TG: variants seen among roughly 807,000 people sequenced by gnomAD.
The protein encoded by TG is thyroid hormones.
A neutral mutation model predicts 324.7 loss-of-function variants in TG; 270 were observed. That is an observed-to-expected ratio of 0.83 (90% CI 0.75 to 0.92). TG has a LOEUF of 0.92. Ranked by LOEUF, TG falls within the 40% of genes least tolerant of loss-of-function variation. TG has a pLI of 0.00. For missense variants in TG, 3,591 were observed against 3,456.4 expected, an observed-to-expected ratio of 1.04 and a Z score of -0.98; for synonymous variants, 1,401 against 1,327.0, an observed-to-expected ratio of 1.06 and a Z score of -1.21.
At chr8:133,047,998 C>A in intron 41 of TG, 1 of 913,534 alleles carries the variant, frequency 1.1e-6, no homozygotes, top group South Asian at 1.4e-5. Flanking sequence ...GGCAGGAATG[C>A]GCCACCCACC....
Position 132,900,298 on chromosome 8 carries a change from CAGG to C in TG, c.3395_3397del (p.Gly1132del). 1 of 1,614,048 alleles carries C rather than the reference CAGG, an allele frequency of 6.2e-7. No individual in the cohort carries two copies. The highest frequency in any genetic ancestry group is 8.5e-7 in the Non-Finnish European group (1 of 1,179,994). ...GGCACCTGGTGTGTGGACCCTGCAT[CAGG>C]AGAAGAGTTGCGGCCTGGCTCGAGC... On this transcript the variant is annotated inframe_deletion, in exon 15 of 48. Coordinates refer to ENST00000220616, the MANE Select transcript of TG (RefSeq NM_003235.5).
chr8:132,977,643 C>G (rs1399076565), intron 34 of TG, among the ~76,000 whole-genome samples: 5 of 152,268 alleles, frequency 3.3e-5, no homozygotes, highest in African/African-American at 1.2e-4. Flanking sequence ...AGAAATTGTG[C>G]AGGGAAACTC....
At chr8:132,876,434 T>C (rs1233057749) in intron 5 of TG, among the ~76,000 whole-genome samples, 1 of 152,178 alleles carries the variant, frequency 6.6e-6, no homozygotes, top group Non-Finnish European at 1.5e-5. Flanking sequence ...TAAGGGGATT[T>C]TTTTTGAAAA....
intron 41 of TG, among the ~76,000 whole-genome samples, chr8:133,062,476 G>C (rs532399182): frequency 2.6e-5 from 4 of 152,254 alleles, no homozygotes; most frequent in Admixed American, 6.5e-5. Context: ...GCATCTCCCC[G>C]GTGCCGGGCC....
intron 41 of TG, among the ~76,000 whole-genome samples, chr8:133,086,733 G>A (rs1335867245): frequency 1.3e-5 from 2 of 152,110 alleles, no homozygotes; most frequent in African/African-American, 4.8e-5. Context: ...TACTGTTACA[G>A]GAAAACTTTC....
intron 22 of TG, among the ~76,000 whole-genome samples, chr8:132,928,035 T>C (rs564661900): frequency 3.6e-4 from 55 of 152,322 alleles, no homozygotes; most frequent in African/African-American, 1.3e-3. Flanking sequence ...GCTTAGAGCA[T>C]GCTGGGATCA....
intron 21 of TG, among the ~76,000 whole-genome samples, chr8:132,920,622 C>T (rs905427335): frequency 1.3e-5 from 2 of 152,136 alleles, no homozygotes; most frequent in Non-Finnish European, 2.9e-5. Context: ...TATCAAAATA[C>T]CAGAGAAGCA....
intron 41 of TG, among the ~76,000 whole-genome samples, chr8:133,061,587 G>C (rs563508560): frequency 1.2e-3 from 178 of 152,322 alleles, no homozygotes; most frequent in Non-Finnish European, 2.0e-3. Flanking sequence ...AGAGAGGAAG[G>C]CCACATTCAT....
chr8:133,061,606 C>T (rs1303690471), intron 41 of TG, among the ~76,000 whole-genome samples: 3 of 152,204 alleles, frequency 2.0e-5, no homozygotes, highest in Non-Finnish European at 4.4e-5. Flanking sequence ...ATAAATAGAG[C>T]TCTGCCTGCT....
chr8:132,967,156 CCCATCCAACCAT>C (rs1250844276), intron 30 of TG, among the ~76,000 whole-genome samples: 4 of 142,596 alleles, frequency 2.8e-5, no homozygotes, highest in Non-Finnish European at 6.1e-5. Context: ...CATCCATCCA[CCCATCCAACCAT>C]CCATCCATCC....
chr8:132,956,447 C>CG (rs769049161), intron 27 of TG, among the ~76,000 whole-genome samples: 1 of 152,158 alleles, frequency 6.6e-6, no homozygotes, highest in African/African-American at 2.4e-5. Flanking sequence ...ACTCAGAGGA[C>CG]GGGGGTGTGT....
At chr8:132,894,438 TATA>T (rs1421048171) in intron 11 of TG, among the ~76,000 whole-genome samples, 1 of 151,776 alleles carries the variant, frequency 6.6e-6, no homozygotes, top group East Asian at 1.9e-4. Context: ...TCCTCTGGTC[TATA>T]ATAACAGCTG....
intron 34 of TG, among the ~76,000 whole-genome samples, chr8:132,973,184 G>T (rs772739091): frequency 6.6e-6 from 1 of 152,210 alleles, no homozygotes; most frequent in Non-Finnish European, 1.5e-5. Flanking sequence ...AGGATAGGGG[G>T]TGTTCCTCAA....
rs1452886315 is a variant in TG, at chr8:132,941,536, C to G, written c.5227C>G (p.Gln1743Glu). 1.9e-6 allele frequency: 3 copies of G among 1,614,098 alleles called. No individual in the cohort carries two copies. Among genetic ancestry groups the G allele is most frequent in the Non-Finnish European group, 8.5e-7 (1 of 1,180,030 alleles). The stretch of plus-strand genomic sequence containing the variant: ...CGATGGCTTCGTCCTCACACAGGTT[C>G]AAGGAGGTAATGTTGGCAGTGAGGG... ...CCDGFVLTQVQGGAIICGLLS... is the reference protein window; with the variant it reads ...CCDGFVLTQVEGGAIICGLLS... Residue 1743 changes from glutamine (Q) to glutamate (E), a missense_variant, in exon 26 of 48, where the codon CAA (glutamine) becomes GAA (glutamate). Transcript: ENST00000220616.
chr8:133,130,870 G>A (rs1245294240), intron 45 of TG, among the ~76,000 whole-genome samples: 1 of 148,754 alleles, frequency 6.7e-6, no homozygotes, highest in Non-Finnish European at 1.5e-5. Flanking sequence ...CCCACTGTGA[G>A]GAGAAGGACT....
At chr8:132,936,342 T>C (rs1237328842) in intron 25 of TG, among the ~76,000 whole-genome samples, 2 of 152,200 alleles carry the variant, frequency 1.3e-5, no homozygotes, top group Admixed American at 1.3e-4. Flanking sequence ...ATAGAGCTTC[T>C]CCTTCTCCTC....
chr8:133,106,705 C>T (rs1474330698), intron 43 of TG, among the ~76,000 whole-genome samples: 7 of 152,218 alleles, frequency 4.6e-5, no homozygotes, highest in Admixed American at 4.6e-4. Context: ...ACCCCCGTCC[C>T]CTTTCCGGCT....
At chr8:133,112,450 G>A (rs894823981) in intron 43 of TG, among the ~76,000 whole-genome samples, 1 of 152,112 alleles carries the variant, frequency 6.6e-6, no homozygotes, top group African/African-American at 2.4e-5. Context: ...GGTCCTGGGG[G>A]AAGGCAGTGA....
intron 29 of TG, among the ~76,000 whole-genome samples, 191 bp from the exon 30 acceptor site, chr8:132,966,369 A>C (rs1417795505): frequency 1.3e-5 from 2 of 151,872 alleles, no homozygotes; most frequent in Non-Finnish European, 2.9e-5. Flanking sequence ...GTCTGACCCA[A>C]CTCCCAGCTC....
Sources: gnomAD v4.1 joint callset for allele counts (sites outside exome capture counted in the v4.1 genomes callset) on GRCh38, gnomAD v4.1.1 for gene constraint, MANE v1.5 for transcripts, NCBI Gene and HGNC (gene_info 2026-07-23, HGNC 2026-07-21) for gene names.